Variants in MYOM2 observed in about 807,000 individuals in gnomAD.
MYOM2 encodes the protein myomesin 2, also known as myomesin-2.
In MYOM2, 254 loss-of-function variants were observed where a neutral mutation model predicts 187.6. That is an observed-to-expected ratio of 1.35 (90% confidence interval 1.22 to 1.50). MYOM2 has a LOEUF of 1.50. MYOM2 is among the 40% of genes most tolerant of loss of function. MYOM2 has a pLI of 0.00. For missense variants in MYOM2, 2,796 were observed against 1,924.0 expected (o/e 1.45, Z -8.48); for synonymous variants, 981 against 753.8 (o/e 1.30, Z -4.94).
chr8:2,072,660 G>T, intron 9 of MYOM2, 151 bp downstream of exon 9: 1 of 1,034,914 alleles, frequency 9.7e-7, no homozygotes, highest in Non-Finnish European at 1.4e-6. Flanking sequence ...AGGACTTGGT[G>T]GCCCACCGTT....
rs1796399256 is a variant in MYOM2, at chr8:2,094,081, G to A, written c.2115G>A (p.Gln705=). Residue 705 remains glutamine, a synonymous_variant, in exon 17 of 37, where the codon CAG becomes CAA. Transcript: ENST00000262113. ...NSQESDVIKV[Q]AALTVPSHPY... ...AGGAATCAGACGTCATAAAAGTGCA[G>A]GCCGCACTCAGTAAGTCACTCACAG... is the stretch of plus-strand genomic sequence containing the variant. The A allele has an allele frequency of 2.5e-6, 4 of 1,614,008 alleles. No individual in the cohort carries two copies. The highest frequency in any genetic ancestry group is 3.4e-6 in the Non-Finnish European group (4 of 1,180,032).
intron 32 of MYOM2, among the ~76,000 whole-genome samples, chr8:2,133,680 C>T (rs1019004618): frequency 3.9e-5 from 6 of 152,128 alleles, no homozygotes; most frequent in Non-Finnish European, 7.4e-5. Context: ...AGGCCGGTCT[C>T]GAACTCCTGA....
At chr8:2,122,045 G>C (rs1797476904) in intron 28 of MYOM2, among the ~76,000 whole-genome samples, 2 of 152,300 alleles carry the variant, frequency 1.3e-5, no homozygotes, top group South Asian at 4.1e-4. Flanking sequence ...AGTAATTGAA[G>C]GTCATTGGAA....
chr8:2,060,927 T>C (rs1467745129), intron 6 of MYOM2, among the ~76,000 whole-genome samples: 1 of 148,140 alleles, frequency 6.8e-6, no homozygotes, highest in Non-Finnish European at 1.5e-5. Context: ...GACCAAGGAG[T>C]AGGGTAGGGC....
In MYOM2 at chr8:2,092,364, G is replaced by T. The variant is rs755586097; in HGVS notation, c.1847G>T (p.Gly616Val). ...CGAAAAGTTGTCCCTTCTGCTCCGG[G>T]TCGGGTTCTTGCTTCCCGAAACACC... ...QDVTVVPSAP[G>V]RVLASRNTKT... The change falls in exon 16 of 37, where the codon GGT (glycine) becomes GTT (valine). Residue 616 changes from glycine to valine, a missense_variant. Gly to Val is a moderately radical substitution (Grantham distance 109, BLOSUM62 -3). Transcript: ENST00000262113. 1.2e-5 allele frequency: 20 copies of T among 1,614,036 alleles called. No individual in the cohort carries two copies. The highest frequency in any genetic ancestry group is 8.3e-5 in the Admixed American group (5 of 60,016).
intron 33 of MYOM2, 77 bp from the exon 34 acceptor site, chr8:2,141,064 A>C (rs1402983198): frequency 7.0e-7 from 1 of 1,424,794 alleles, no homozygotes; most frequent in Non-Finnish European, 9.7e-7. Context: ...AACCAGATTC[A>C]CTGGTATAAT....
intron 6 of MYOM2, among the ~76,000 whole-genome samples, chr8:2,068,811 C>T (rs1182802359): frequency 2.0e-5 from 3 of 152,316 alleles, no homozygotes; most frequent in East Asian, 1.9e-4. Flanking sequence ...CTGCCTTCTC[C>T]TCTGGCAGCA....
In MYOM2 at chr8:2,100,129, T is replaced by TTTCCTTCCTTCCTTCCTTCC. The variant is rs71211554; in HGVS notation, c.2441-706_2441-687dup. Among the ~76,000 whole-genome samples the TTTCCTTCCTTCCTTCCTTCC allele has an allele frequency of 1.1e-3, 49 of 45,542 alleles. 1 individual carries two copies. The highest frequency in any genetic ancestry group is 2.1e-3 in the African/African-American group (26 of 12,278). The allele number at this position is 45,542 out of a possible 152,430, so 29.9% of individuals were successfully genotyped here. ...CCTTCTTTCTTTCCTTCCTTCCTTC[T>TTTCCTTCCTTCCTTCCTTCC]TTCCTTCCTTCCTTCCTTCCTTCCT... On this transcript the variant is annotated intron_variant, in intron 19 of 36. Transcript: ENST00000262113.
At chr8:2,131,861 C>T (rs145627179) in intron 32 of MYOM2, among the ~76,000 whole-genome samples, 21,047 of 151,830 alleles carry the variant, frequency 0.14, 2,560 homozygotes, top group African/African-American at 0.31. Context: ...GCCAGGATGG[C>T]CTCAATCTCC....
At chr8:2,085,690 T>C (rs1334374800) in intron 14 of MYOM2, among the ~76,000 whole-genome samples, 123 of 8,744 alleles carry the variant, frequency 0.014, 33 homozygotes, top group African/African-American at 0.074. Flanking sequence ...TCGTGATCTC[T>C]GCGTGGCCCC....
At chr8:2,128,576 A>T (rs1797737994) in intron 31 of MYOM2, among the ~76,000 whole-genome samples, 1 of 152,104 alleles carries the variant, frequency 6.6e-6, no homozygotes, top group Non-Finnish European at 1.5e-5. Flanking sequence ...ATTAGTCTTC[A>T]TTTTTATTCC....
intron 13 of MYOM2, among the ~76,000 whole-genome samples, chr8:2,082,425 A>G (rs77597519): frequency 0.02 from 3,036 of 152,194 alleles, 52 homozygotes; most frequent in Non-Finnish European, 0.03. Flanking sequence ...TGCTTTAGCT[A>G]GAAAATACTT....
At chr8:2,129,752 C>A (rs1190882369) in intron 32 of MYOM2, among the ~76,000 whole-genome samples, 1 of 152,190 alleles carries the variant, frequency 6.6e-6, no homozygotes, top group Non-Finnish European at 1.5e-5. Context: ...CCAGAGACTT[C>A]TCATGCAACC....
Position 2,085,535 on chromosome 8 carries a change from CTG to C in MYOM2, c.1644+146_1644+147del, listed in dbSNP as rs1563444651. On this transcript the variant is annotated intron_variant, in intron 14 of 36. Coordinates refer to ENST00000262113, the MANE Select transcript of MYOM2 (RefSeq NM_003970.4). The stretch of plus-strand genomic sequence containing the variant: ...GCGTGGCCCCCCACTGTTGTGATCT[CTG>C]CGTGGCCCCACTGTCATGATCTCTG... 1.5e-5 allele frequency: 6 copies of C among 389,994 alleles called. 1 individual carries two copies. The African/African-American group carries it at 2.3e-4, about 15-fold the overall frequency. 24.2% of individuals were successfully genotyped at this position (389,994 alleles called of 1,614,324 possible).
At chr8:2,070,843 G>C (rs994198858) in intron 8 of MYOM2, among the ~76,000 whole-genome samples, 7 of 152,206 alleles carry the variant, frequency 4.6e-5, no homozygotes, top group Non-Finnish European at 1.0e-4. Context: ...TACAGCTCAG[G>C]GTAGCTTCAA....
In MYOM2 at chr8:2,085,455, T is replaced by TG; in HGVS notation, c.1644+66dup. 4 of 1,561,834 alleles carry TG rather than the reference T, an allele frequency of 2.6e-6. 1 individual carries two copies. In the South Asian group the frequency reaches 4.7e-5, roughly 18 times the overall value. On this transcript the variant is annotated intron_variant, in intron 14 of 36. Transcript: ENST00000262113. ...CATGGCCCCCCACTGTCATGATCTCTGCGTGGCCCACCGCTGTCGTGATCT... is the reference window on the plus strand; with the variant it reads ...CATGGCCCCCCACTGTCATGATCTCTGGCGTGGCCCACCGCTGTCGTGATCT...
chr8:2,092,411 T>G lies in MYOM2; in HGVS notation c.1894T>G (p.Trp632Gly), dbSNP rs757573319. The part of the protein sequence containing the change: ...RNTKTSVVVQ[W>G]DRPKHEEDLL... Reference sequence around the variant, plus strand: ...CACCAAGACGTCGGTGGTGGTGCAGTGGGACCGACCTAAGCATGAGGAGGA... The same window carrying G: ...CACCAAGACGTCGGTGGTGGTGCAGGGGGACCGACCTAAGCATGAGGAGGA... The change falls in exon 16 of 37, where the codon TGG becomes GGG. Residue 632 changes from tryptophan to glycine, a missense_variant. Physicochemically the swap from Trp to Gly is radical, Grantham distance 184 (BLOSUM62 -2). Coordinates refer to ENST00000262113, the MANE Select transcript of MYOM2 (RefSeq NM_003970.4). The G allele has an allele frequency of 7.4e-6, 12 of 1,614,146 alleles. No individual in the cohort carries two copies. The highest frequency in any genetic ancestry group is 1.0e-5 in the Non-Finnish European group (12 of 1,180,018).
At chr8:2,126,113 A>C (rs1797626147) in intron 31 of MYOM2, among the ~76,000 whole-genome samples, 1 of 152,176 alleles carries the variant, frequency 6.6e-6, no homozygotes. Flanking sequence ...TTGAAGAGTG[A>C]GTGTTTATAA....
intron 10 of MYOM2, among the ~76,000 whole-genome samples, chr8:2,074,548 G>T (rs1392387480): frequency 6.6e-6 from 1 of 152,054 alleles, no homozygotes; most frequent in African/African-American, 2.4e-5. Context: ...TCCGCCTCCT[G>T]GGTTCAAGCG....
Sources: allele counts gnomAD v4.1 joint callset (sites outside exome capture counted in the v4.1 genomes callset), GRCh38; gene constraint gnomAD v4.1.1; transcripts MANE v1.5; gene names NCBI Gene and HGNC (gene_info 2026-07-23, HGNC 2026-07-21).